Variants in CD109 observed in about 807,000 individuals in gnomAD.
CD109 encodes CD109 antigen.
CD109 carries 149 observed loss-of-function variants against 165.8 expected under a neutral mutation model. That is an observed-to-expected ratio of 0.90 (90% confidence interval 0.79 to 1.03). The LOEUF is 1.03. CD109 is among the 50% of genes least tolerant of loss of function. The probability of loss-of-function intolerance (pLI) is 0.00; values close to 1 mark genes in which losing one functional copy is unlikely to be tolerated. For missense variants in CD109, 1,712 were observed against 1,677.8 expected (o/e 1.02, Z -0.36); for synonymous variants, 585 against 592.1 (o/e 0.99, Z 0.18).
intron 2 of CD109, among the ~76,000 whole-genome samples, chr6:73,698,213 A>G (rs1159632291): frequency 1.3e-5 from 2 of 152,248 alleles, no homozygotes. Flanking sequence ...ACATGGCCCA[A>G]GATTAAATTG....
Position 73,769,296 on chromosome 6 carries a change from T to C in CD109, c.1674+1065T>C, listed in dbSNP as rs368628089. On this transcript the variant is annotated intron_variant, in intron 14 of 32. Coordinates refer to ENST00000287097, the MANE Select transcript of CD109 (RefSeq NM_133493.5). ...AAAAGAGTTCTTAAAAAGATAACACTGTGTTTTGTTAGTGGTAGAGCACAA... is the reference window on the plus strand; with the variant it reads ...AAAAGAGTTCTTAAAAAGATAACACCGTGTTTTGTTAGTGGTAGAGCACAA... Among the ~76,000 whole-genome samples the C allele has an allele frequency of 5.3e-5, 8 of 152,212 alleles. No homozygotes were observed. The East Asian group carries it at 1.5e-3, about 29-fold the overall frequency.
chr6:73,697,267 G>T, intron 1 of CD109, 133 bp from the exon 2 acceptor site: 1 of 679,098 alleles, frequency 1.5e-6, no homozygotes, highest in Non-Finnish European at 2.6e-6. Flanking sequence ...ATAGAGCAGT[G>T]GGCAATGTTA....
rs534034200 is a variant in CD109, at chr6:73,812,044, A to G, written c.3703-161A>G. The stretch of plus-strand genomic sequence containing the variant: ...TTTCCTTTCATCACCTTGCTTACCT[A>G]TTTGACCCATAGCTTTTGATATGTG... On this transcript the variant is annotated intron_variant, in intron 28 of 32. Transcript: ENST00000287097. Among the ~76,000 whole-genome samples, 4 of 152,184 alleles carry G rather than the reference A, an allele frequency of 2.6e-5. No homozygotes were observed. In the East Asian group the frequency reaches 7.7e-4, roughly 29 times the overall value.
intron 30 of CD109, among the ~76,000 whole-genome samples, chr6:73,816,569 C>T (rs117677155): frequency 0.015 from 2,305 of 152,206 alleles, 30 homozygotes; most frequent in Non-Finnish European, 0.025. Context: ...TTTTCTCATT[C>T]ATTTATTTAT....
chr6:73,782,864 C>A, intron 18 of CD109, 109 bp downstream of exon 18: 1 of 946,708 alleles, frequency 1.1e-6, no homozygotes, highest in Non-Finnish European at 1.5e-6. Context: ...TAACTAAGAA[C>A]TAAGTAGACC....
intron 15 of CD109, among the ~76,000 whole-genome samples, chr6:73,778,796 A>G (rs1241210212): frequency 6.6e-6 from 1 of 150,770 alleles, no homozygotes; most frequent in Non-Finnish European, 1.5e-5. Context: ...GTTTTTTTCA[A>G]CTTAGTTTTT....
chr6:73,715,756 C>T (rs1383684308), intron 2 of CD109, among the ~76,000 whole-genome samples: 1 of 152,092 alleles, frequency 6.6e-6, no homozygotes, highest in African/African-American at 2.4e-5. Flanking sequence ...AGCATTTGTC[C>T]TTTGTGTTAC....
At chr6:73,687,675 G>T in the CD109 span, among the ~76,000 whole-genome samples, 1 of 152,102 alleles carries the variant, frequency 6.6e-6, no homozygotes, top group South Asian at 2.1e-4. Context: ...CTAACCAAAA[G>T]GTGGAGTATT....
At chr6:73,762,954 G>A in intron 9 of CD109, 72 bp downstream of exon 9, 3 of 1,326,810 alleles carry the variant, frequency 2.3e-6, no homozygotes, top group South Asian at 1.5e-5. Context: ...ATTATAACTG[G>A]CACTTTCATT....
At chr6:73,814,384 A>G (rs932637531) in intron 29 of CD109, among the ~76,000 whole-genome samples, 1 of 152,130 alleles carries the variant, frequency 6.6e-6, no homozygotes, top group African/African-American at 2.4e-5. Context: ...TTTGAGAAAG[A>G]CACGGGTCCT....
At chr6:73,725,270 G>A (rs1037674472) in intron 3 of CD109, among the ~76,000 whole-genome samples, 2 of 152,100 alleles carry the variant, frequency 1.3e-5, no homozygotes, top group Non-Finnish European at 2.9e-5. Context: ...AATAAATCCT[G>A]TGTCGTATAT....
intron 24 of CD109, among the ~76,000 whole-genome samples, chr6:73,804,254 T>C (rs1775487284): frequency 6.6e-6 from 1 of 152,244 alleles, no homozygotes; most frequent in South Asian, 2.1e-4. Flanking sequence ...ATGAAACAGA[T>C]CTGCTTCAAA....
At chr6:73,779,582 T>C (rs564406878) in intron 15 of CD109, among the ~76,000 whole-genome samples, 1 of 152,272 alleles carries the variant, frequency 6.6e-6, no homozygotes, top group South Asian at 2.1e-4. Context: ...CTGAATAATA[T>C]TGTGTTGTGT....
intron 23 of CD109, among the ~76,000 whole-genome samples, chr6:73,793,007 G>T (rs1424566947): frequency 6.6e-6 from 1 of 152,190 alleles, no homozygotes; most frequent in Non-Finnish European, 1.5e-5. Flanking sequence ...CTGCTGCTAA[G>T]ATGTTTGTTA....
chr6:73,688,638 C>T, the CD109 span, among the ~76,000 whole-genome samples: 2 of 151,900 alleles, frequency 1.3e-5, no homozygotes, highest in African/African-American at 2.4e-5. Context: ...AAGCCTGGAA[C>T]TTCTAGTGCA....
the CD109 span, among the ~76,000 whole-genome samples, chr6:73,681,496 C>T: frequency 8.6e-5 from 13 of 151,812 alleles, no homozygotes; most frequent in East Asian, 3.9e-4. Context: ...AAAAGTGTTC[C>T]GTGTGACTGG....
chr6:73,697,317 C>A, intron 1 of CD109, 83 bp from the exon 2 acceptor site: 1 of 1,283,996 alleles, frequency 7.8e-7, no homozygotes, highest in Non-Finnish European at 1.1e-6. Flanking sequence ...GAGTGCCTAT[C>A]GCACTAGGAA....
chr6:73,681,021 G>A, the CD109 span, among the ~76,000 whole-genome samples: 1 of 152,092 alleles, frequency 6.6e-6, no homozygotes, highest in Admixed American at 6.6e-5. Context: ...TCCAGACTCT[G>A]GCAAAGGAAT....
At chr6:73,790,842 C>G (rs1405208527) in intron 22 of CD109, among the ~76,000 whole-genome samples, 1 of 152,096 alleles carries the variant, frequency 6.6e-6, no homozygotes, top group Non-Finnish European at 1.5e-5. Context: ...AACACCCTCA[C>G]AGACACTCAG....
Sources: gnomAD v4.1 joint callset for allele counts (sites outside exome capture counted in the v4.1 genomes callset) on GRCh38, gnomAD v4.1.1 for gene constraint, MANE v1.5 for transcripts, NCBI Gene and HGNC (gene_info 2026-07-23, HGNC 2026-07-21) for gene names.